CNTN5: variants seen among roughly 807,000 people sequenced by gnomAD.
CNTN5 encodes contactin-5.
Under a neutral mutation model 129.1 loss-of-function variants are expected in CNTN5, and 77 were observed. That is an observed-to-expected ratio of 0.60 (90% CI 0.50 to 0.72). CNTN5 has a LOEUF of 0.72. Ranked by LOEUF, CNTN5 falls within the 30% of genes least tolerant of loss-of-function variation. The pLI, the probability that CNTN5 is intolerant of heterozygous loss-of-function variation, is 0.00. For synonymous variants in CNTN5, 509 were observed against 465.6 expected, an observed-to-expected ratio of 1.09 and a Z score of -1.20; for missense variants, 1,478 against 1,328.8, an observed-to-expected ratio of 1.11 and a Z score of -1.75.
intron 3 of CNTN5, among the ~76,000 whole-genome samples, chr11:99,780,283 T>C (rs1945268249): frequency 6.6e-6 from 1 of 152,050 alleles, no homozygotes; most frequent in Admixed American, 6.6e-5. Context: ...GTGTGAATAA[T>C]ATAGATTATC....
intron 6 of CNTN5, among the ~76,000 whole-genome samples, chr11:99,907,096 A>G (rs1336090228): frequency 6.6e-6 from 1 of 151,258 alleles, no homozygotes; most frequent in Non-Finnish European, 1.5e-5. Context: ...GAGGTTTTTG[A>G]AGGGTTTTTT....
chr11:100,288,236 C>T (rs906081939), intron 18 of CNTN5, among the ~76,000 whole-genome samples: 23 of 152,076 alleles, frequency 1.5e-4, no homozygotes, highest in African/African-American at 5.3e-4. Context: ...AGGAATTGAA[C>T]TCAGCTCTGT....
At chr11:99,323,203 A>T (rs1211251706) in intron 1 of CNTN5, among the ~76,000 whole-genome samples, 1 of 152,128 alleles carries the variant, frequency 6.6e-6, no homozygotes. Context: ...TGACATCATT[A>T]CCCCCAGAAA....
At chr11:99,601,862 C>A (rs543808739) in intron 3 of CNTN5, among the ~76,000 whole-genome samples, 1 of 152,152 alleles carries the variant, frequency 6.6e-6, no homozygotes, top group African/African-American at 2.4e-5. Flanking sequence ...CACTTCTGCA[C>A]ATAAAGTTAC....
rs536129751 is a variant in CNTN5 at position 99,717,517 on chromosome 11, G to A, written c.56-102027G>A. On this transcript the variant is annotated intron_variant, in intron 3 of 24. Transcript: ENST00000524871. ...TCCATTGTGTCTTTTGGATGGGGAA[G>A]AGATGTGTTTGCATGTGTGTGTGTT... 1.5e-3 allele frequency among the ~76,000 whole-genome samples: 229 copies of A among 151,966 alleles called. 1 individual carries two copies. Among genetic ancestry groups the A allele is most frequent in the Non-Finnish European group, 2.9e-3 (196 of 67,930 alleles).
Position 100,111,449 on chromosome 11 carries a change from C to A in CNTN5, c.1580+37155C>A, listed in dbSNP as rs570625350. Among the ~76,000 whole-genome samples, 61 of 152,260 alleles carry A rather than the reference C, an allele frequency of 4.0e-4. 1 individual carries two copies. The South Asian group carries it at 0.012, about 29-fold the overall frequency. Reference sequence around the variant, plus strand: ...GATCCAGAGGCATGGCAGAGAGACACAAATCTGTCCCTGAAGTTCTCAGAA... The same window carrying A: ...GATCCAGAGGCATGGCAGAGAGACAAAAATCTGTCCCTGAAGTTCTCAGAA... On this transcript the variant is annotated intron_variant, in intron 13 of 24. Coordinates refer to ENST00000524871, the MANE Select transcript of CNTN5 (RefSeq NM_014361.4).
chr11:99,878,168 T>C (rs985443223), intron 6 of CNTN5, among the ~76,000 whole-genome samples: 1 of 152,176 alleles, frequency 6.6e-6, no homozygotes, highest in Non-Finnish European at 1.5e-5. Flanking sequence ...TAGAGGCAAA[T>C]GAAGTTAGAT....
chr11:99,591,833 C>T (rs111895635), intron 3 of CNTN5, among the ~76,000 whole-genome samples: 1,624 of 152,018 alleles, frequency 0.011, 16 homozygotes, highest in Middle Eastern at 0.028. Context: ...CAGGAAAATG[C>T]CCAAAATAAA....
chr11:99,178,531 G>A (rs1363494907), intron 1 of CNTN5, among the ~76,000 whole-genome samples: 1 of 151,528 alleles, frequency 6.6e-6, no homozygotes, highest in African/African-American at 2.4e-5. Context: ...AAAAAAAAGA[G>A]AACGAAACCT....
intron 6 of CNTN5, among the ~76,000 whole-genome samples, chr11:99,899,678 A>G (rs1949303006): frequency 6.6e-6 from 1 of 152,004 alleles, no homozygotes; most frequent in Non-Finnish European, 1.5e-5. Flanking sequence ...ATATTGACCT[A>G]TAATTCCTTT....
chr11:99,209,636 CCATATCAACAT>C (rs1237386725), intron 1 of CNTN5, among the ~76,000 whole-genome samples: 1 of 152,084 alleles, frequency 6.6e-6, no homozygotes, highest in East Asian at 1.9e-4. Flanking sequence ...AACATCAAAA[CCATATCAACAT>C]ATTTATTCAC....
intron 3 of CNTN5, among the ~76,000 whole-genome samples, chr11:99,577,985 C>A (rs1450053833): frequency 1.5e-5 from 2 of 136,372 alleles, no homozygotes; most frequent in Admixed American, 7.3e-5. Context: ...CCCCTCCCCC[C>A]ACCCCACAAC....
intron 15 of CNTN5, among the ~76,000 whole-genome samples, chr11:100,218,123 T>A (rs1360559267): frequency 1.3e-5 from 2 of 152,168 alleles, no homozygotes; most frequent in Middle Eastern, 3.2e-3. Context: ...GTATTTGCAT[T>A]GGAGGTCCAA....
chr11:99,530,163 G>A (rs751829215), intron 2 of CNTN5, among the ~76,000 whole-genome samples: 4 of 152,062 alleles, frequency 2.6e-5, no homozygotes, highest in Non-Finnish European at 5.9e-5. Flanking sequence ...TTTTTCTAAA[G>A]AAGACACTCA....
intron 1 of CNTN5, among the ~76,000 whole-genome samples, chr11:99,287,391 T>C (rs1292952655): frequency 6.6e-6 from 1 of 152,030 alleles, no homozygotes; most frequent in Non-Finnish European, 1.5e-5. Flanking sequence ...TGGAAAAAAA[T>C]AGTGCCTTTC....
At chr11:99,742,033 T>C (rs193229241) in intron 3 of CNTN5, among the ~76,000 whole-genome samples, 12 of 152,210 alleles carry the variant, frequency 7.9e-5, no homozygotes, top group African/African-American at 2.6e-4. Flanking sequence ...TTAGAATCTA[T>C]AAAAGAGAAA....
At chr11:99,651,019 C>T (rs546125245) in intron 3 of CNTN5, among the ~76,000 whole-genome samples, 55 of 151,988 alleles carry the variant, frequency 3.6e-4, no homozygotes, top group South Asian at 1.0e-3. Context: ...ATTGTCTCAT[C>T]GTTTCTAATT....
chr11:99,865,167 A>G (rs1321344991), intron 6 of CNTN5, among the ~76,000 whole-genome samples: 2 of 152,128 alleles, frequency 1.3e-5, no homozygotes, highest in East Asian at 1.9e-4. Context: ...CATCCTCTCT[A>G]TAACCTCCTT....
Position 99,043,659 on chromosome 11 carries a change from A to C in CNTN5, c.-210+22389A>C, listed in dbSNP as rs1293248309. On this transcript the variant is annotated intron_variant, in intron 1 of 24. Coordinates refer to ENST00000524871, the MANE Select transcript of CNTN5 (RefSeq NM_014361.4). ...TGCTAAACTTCCTTTATAGATATTG[A>C]GTGAATCATCATAATTTGCTAATAT... 1.1e-4 allele frequency among the ~76,000 whole-genome samples: 16 copies of C among 152,302 alleles called. No homozygotes were observed. The East Asian group carries it at 2.7e-3, about 26-fold the overall frequency.
Sources: allele counts gnomAD v4.1 joint callset (sites outside exome capture counted in the v4.1 genomes callset), GRCh38; gene constraint gnomAD v4.1.1; transcripts MANE v1.5; gene names NCBI Gene and HGNC (gene_info 2026-07-23, HGNC 2026-07-21).